The following PRKN variants were observed in gnomAD, a reference collection of about 807,000 sequenced individuals.
PRKN encodes the protein E3 ubiquitin-protein ligase parkin.
PRKN carries 56 observed loss-of-function variants against 59.5 expected under a neutral mutation model. That is an observed-to-expected ratio of 0.94 (90% CI 0.76 to 1.18). PRKN has a LOEUF of 1.18. Among genes scored for constraint, PRKN ranks in the 50% most tolerant of loss-of-function variants. PRKN has a pLI of 0.00. For synonymous variants in PRKN, 250 were observed against 222.1 expected (o/e 1.13, Z -1.12); for missense variants, 657 against 596.4 (o/e 1.10, Z -1.06).
At chr6:162,059,599 T>A (rs1778010617) in intron 4 of PRKN, among the ~76,000 whole-genome samples, 1 of 152,170 alleles carries the variant, frequency 6.6e-6, no homozygotes, top group South Asian at 2.1e-4. Flanking sequence ...TGCATGGCAG[T>A]AGAAGGGAGC....
At chr6:161,813,653 C>T (rs763407803) in intron 6 of PRKN, among the ~76,000 whole-genome samples, 6 of 152,198 alleles carry the variant, frequency 3.9e-5, no homozygotes, top group Non-Finnish European at 7.3e-5. Context: ...AAAGTTGGGC[C>T]CTTGGGGCTG....
At chr6:162,018,072 G>C (rs111953284) in intron 5 of PRKN, among the ~76,000 whole-genome samples, 12,346 of 151,996 alleles carry the variant, frequency 0.081, 582 homozygotes, top group Middle Eastern at 0.12. Flanking sequence ...TGTCACCCAG[G>C]CTGGAGTGCA....
Position 161,352,125 on chromosome 6 carries a change from T to G in PRKN, c.1286-1914A>C, listed in dbSNP as rs1168422984. Among the ~76,000 whole-genome samples the G allele has an allele frequency of 6.6e-6, 1 of 152,202 alleles. No individual in the cohort carries two copies. Among genetic ancestry groups the G allele is most frequent in the Non-Finnish European group, 1.5e-5 (1 of 68,026 alleles). On this transcript the variant is annotated intron_variant, in intron 11 of 11. Coordinates refer to ENST00000366898, the MANE Select transcript of PRKN (RefSeq NM_004562.3). This position sits in a 1 kb window ranked among gnomAD's most constrained non-coding sequence, Gnocchi z 5.8. ...TTCTTTGCTTGAATCCCACCTAGCG[T>G]TGAAGGTGCTCCATTACTCACTCTT...
At chr6:161,750,041 C>T (rs1788610274) in intron 7 of PRKN, among the ~76,000 whole-genome samples, 1 of 151,146 alleles carries the variant, frequency 6.6e-6, no homozygotes, top group Admixed American at 6.6e-5. Flanking sequence ...TGAAGCAATA[C>T]CACTTGACTG....
chr6:162,430,487 A>G (rs7773233), intron 2 of PRKN, among the ~76,000 whole-genome samples: 48,083 of 151,936 alleles, frequency 0.32, 8,628 homozygotes, highest in East Asian at 0.56. Context: ...CAGGGCTCAT[A>G]CCTTATGATA....
intron 7 of PRKN, among the ~76,000 whole-genome samples, chr6:161,688,856 G>C (rs1445716854): frequency 6.6e-6 from 1 of 152,112 alleles, no homozygotes; most frequent in South Asian, 2.1e-4. Flanking sequence ...GTGGCCCAAG[G>C]CTCAATATTG....
intron 1 of PRKN, among the ~76,000 whole-genome samples, chr6:162,481,527 A>G (rs922281483): frequency 5.3e-5 from 8 of 152,286 alleles, no homozygotes; most frequent in African/African-American, 1.7e-4. Flanking sequence ...CTATCTCTTA[A>G]GAGTTGAGCA....
At chr6:162,580,054 A>ATC (rs1386824279) in intron 1 of PRKN, among the ~76,000 whole-genome samples, 1 of 152,168 alleles carries the variant, frequency 6.6e-6, no homozygotes, top group Admixed American at 6.5e-5. Flanking sequence ...AGTCCCATAG[A>ATC]TGTGAAGTGG....
Position 161,957,258 on chromosome 6 carries a change from C to T in PRKN, c.734+16044G>A, listed in dbSNP as rs1242156242. Among the ~76,000 whole-genome samples, 2 of 152,184 alleles carry T rather than the reference C, an allele frequency of 1.3e-5. 1 individual carries two copies. The highest frequency in any genetic ancestry group is 4.1e-4 in the South Asian group (2 of 4,832). On this transcript the variant is annotated intron_variant, in intron 6 of 11. Coordinates refer to ENST00000366898, the MANE Select transcript of PRKN (RefSeq NM_004562.3). ...TGTTGTTTCTGAACTATCACCACAACCTTGATACTCCTTTTAAGTAGGTAC... is the reference window on the plus strand; with the variant it reads ...TGTTGTTTCTGAACTATCACCACAATCTTGATACTCCTTTTAAGTAGGTAC...
chr6:161,857,897 A>T (rs1002335953), intron 6 of PRKN, among the ~76,000 whole-genome samples: 2 of 152,216 alleles, frequency 1.3e-5, no homozygotes, highest in Non-Finnish European at 2.9e-5. Flanking sequence ...TAACAGCCAA[A>T]TAAGTATTAA....
intron 3 of PRKN, among the ~76,000 whole-genome samples, chr6:162,228,361 G>A (rs570125392): frequency 6.6e-6 from 1 of 152,288 alleles, no homozygotes; most frequent in South Asian, 2.1e-4. Context: ...GTGGGTCCCC[G>A]ATGTTACAGT....
In PRKN at chr6:162,364,977, C is replaced by CTT. The variant is rs200901620; in HGVS notation, c.171+78332_171+78333insAA. Among the ~76,000 whole-genome samples, 217 of 138,150 alleles carry CTT rather than the reference C, an allele frequency of 1.6e-3. 1 individual carries two copies. Among genetic ancestry groups the CTT allele is most frequent in the Middle Eastern group, 3.7e-3 (1 of 272 alleles). The allele number at this position is 138,150 out of a possible 152,430, so 90.6% of individuals were successfully genotyped here. A position where few individuals can be genotyped will look rare whatever the true frequency, so the allele number is the denominator to read the frequency against. On this transcript the variant is annotated intron_variant, in intron 2 of 11. Transcript: ENST00000366898. The stretch of plus-strand genomic sequence containing the variant: ...CTCTCTTCTCCCTCTCTCTCTCTCT[C>CTT]TCTTTTTTTTTTTTTTTTGCCAATA...
Position 161,946,271 on chromosome 6 carries a change from T to C in PRKN, c.734+27031A>G, listed in dbSNP as rs578185694. Among the ~76,000 whole-genome samples, 217 of 152,296 alleles carry C rather than the reference T, an allele frequency of 1.4e-3. 7 individuals carry two copies. The South Asian group carries it at 0.043, about 30-fold the overall frequency. ...TTCTTATTTATTATGCCTCTGGATG[T>C]GTTTTTAATTTATTTCCCTAGAAGA... is the stretch of plus-strand genomic sequence containing the variant. On this transcript the variant is annotated intron_variant, in intron 6 of 11. Coordinates refer to ENST00000366898, the MANE Select transcript of PRKN (RefSeq NM_004562.3).
chr6:161,979,912 C>A (rs1239296395), intron 5 of PRKN, among the ~76,000 whole-genome samples: 1 of 152,140 alleles, frequency 6.6e-6, no homozygotes, highest in Non-Finnish European at 1.5e-5. Context: ...AAAACTAGAG[C>A]AAGAAGAATG....
rs1229351277 is a variant in PRKN, at chr6:161,405,440, T to C, written c.1084-18563A>G. Reference sequence around the variant, plus strand: ...CGAAAATGCACAAATTAGCCAGGCATGGTGGCACACATCTGTAATCCCAGC... The same window carrying C: ...CGAAAATGCACAAATTAGCCAGGCACGGTGGCACACATCTGTAATCCCAGC... On this transcript the variant is annotated intron_variant, in intron 9 of 11. Coordinates refer to ENST00000366898, the MANE Select transcript of PRKN (RefSeq NM_004562.3). The surrounding 1 kb of genome is among the most constrained non-coding windows in gnomAD (Gnocchi z 5.1). 2.0e-5 allele frequency among the ~76,000 whole-genome samples: 3 copies of C among 151,930 alleles called. No homozygotes were observed. Among genetic ancestry groups the C allele is most frequent in the Non-Finnish European group, 2.9e-5 (2 of 67,996 alleles).
chr6:161,569,873 C>T (rs760690272), intron 7 of PRKN, among the ~76,000 whole-genome samples: 1 of 152,066 alleles, frequency 6.6e-6, no homozygotes, highest in Non-Finnish European at 1.5e-5. Flanking sequence ...GAGCAAAGGT[C>T]GGGTAGCTAC....
In PRKN at chr6:161,350,239, G is replaced by A. The variant is rs1389521848; in HGVS notation, c.1286-28C>T. 6.5e-6 allele frequency: 10 copies of A among 1,537,954 alleles called. No individual in the cohort carries two copies. In the Admixed American group the frequency reaches 1.0e-4, roughly 16 times the overall value. On this transcript the variant is annotated intron_variant, in intron 11 of 11. Transcript: ENST00000366898. The stretch of plus-strand genomic sequence containing the variant: ...GTTGGGGGCAGAAAACAAAGGTGTG[G>A]TGGGTTCGCAGCAAGTACCTGGAAA...
chr6:162,556,026 T>C (rs1444958248), intron 1 of PRKN, among the ~76,000 whole-genome samples: 1 of 145,220 alleles, frequency 6.9e-6, no homozygotes, highest in Non-Finnish European at 1.5e-5. Flanking sequence ...GAACATAACT[T>C]GATTGAGTGA....
intron 7 of PRKN, among the ~76,000 whole-genome samples, chr6:161,777,738 T>C (rs1789994268): frequency 7.1e-6 from 1 of 141,466 alleles, no homozygotes; most frequent in East Asian, 2.1e-4. Flanking sequence ...TATCTATATA[T>C]GTATATATAG....
Sources: gnomAD v4.1 joint callset for allele counts (sites outside exome capture counted in the v4.1 genomes callset) on GRCh38, gnomAD v4.1.1 for gene constraint, Gnocchi (gnomAD v3.1) non-coding constraint, MANE v1.5 for transcripts, NCBI Gene and HGNC (gene_info 2026-07-23, HGNC 2026-07-21) for gene names.